The following PLAGL1 variants were observed in gnomAD, a reference collection of about 807,000 sequenced individuals.
PLAGL1 encodes zinc finger protein PLAGL1.
PLAGL1 carries 1 observed loss-of-function variant against 4.6 expected under a neutral mutation model. The ratio of observed to expected loss-of-function variants is 0.22; its 90% CI spans 0.08 to 1.03. The LOEUF (loss-of-function observed/expected upper bound fraction) is 1.03, where lower values mean the gene tolerates loss of function less well. PLAGL1 is among the 50% of genes least tolerant of loss of function. The pLI is 0.58. For missense variants in PLAGL1, 464 were observed against 570.4 expected (o/e 0.81, Z 1.90); for synonymous variants, 240 against 237.8 (o/e 1.01, Z -0.08).
rs1280067135 is a variant in PLAGL1 at position 143,985,949 on chromosome 6, TAC to T, written c.-583-777_-583-776del. Among the ~76,000 whole-genome samples the T allele has an allele frequency of 4.5e-5, 6 of 133,514 alleles. No individual in the cohort carries two copies. Among genetic ancestry groups the T allele is most frequent in the African/African-American group, 1.6e-4 (6 of 37,282 alleles). 87.6% of individuals were successfully genotyped at this position (133,514 alleles called of 152,430 possible). ...CACACATATATATAAAAGATATATA[TAC>T]ACATATATATCAAATTATATATATA... On this transcript the variant is annotated intron_variant, in intron 1 of 7. Transcript: ENST00000674357. This position sits in a 1 kb window ranked among gnomAD's most constrained non-coding sequence, Gnocchi z 4.4.
intron 1 of PLAGL1, among the ~76,000 whole-genome samples, chr6:144,038,863 G>C (rs1047172231): frequency 1.3e-5 from 2 of 152,128 alleles, no homozygotes; most frequent in Non-Finnish European, 2.9e-5. Flanking sequence ...AAATGAAAAA[G>C]TCATAAACTT....
At chr6:144,023,507 A>G (rs1796118526) in intron 1 of PLAGL1, among the ~76,000 whole-genome samples, 1 of 152,196 alleles carries the variant, frequency 6.6e-6, no homozygotes, top group Non-Finnish European at 1.5e-5. Context: ...TAACTTTGGA[A>G]ATGCATAAAG....
intron 1 of PLAGL1, among the ~76,000 whole-genome samples, chr6:143,999,260 T>G (rs1411685855): frequency 6.6e-6 from 1 of 152,186 alleles, no homozygotes; most frequent in Non-Finnish European, 1.5e-5. Context: ...TAGGCCTGCC[T>G]TCAACTTCAG....
rs888495577 is a variant in PLAGL1, at chr6:143,966,375, CAAAA to C, written c.-471-181_-471-178del. The C allele has an allele frequency of 6.6e-6, 1 of 152,066 alleles. No individual in the cohort carries two copies. Among genetic ancestry groups the C allele is most frequent in the African/African-American group, 2.4e-5 (1 of 41,410 alleles). The allele number at this position is 152,066 out of a possible 1,614,324, so 9.4% of individuals were successfully genotyped here. A position where few individuals can be genotyped will look rare whatever the true frequency, so the allele number is the denominator to read the frequency against. On this transcript the variant is annotated intron_variant, in intron 3 of 7. Transcript: ENST00000674357. This position sits in a 1 kb window ranked among gnomAD's most constrained non-coding sequence, Gnocchi z 6.0. ...ACAGTAATTCAAATAGCAAAACAAA[CAAAA>C]AACCCAACTGTGCACACACACACAC...
At chr6:144,028,891 A>G (rs1385618344) in intron 1 of PLAGL1, among the ~76,000 whole-genome samples, 2 of 152,222 alleles carry the variant, frequency 1.3e-5, no homozygotes, top group Non-Finnish European at 2.9e-5. Flanking sequence ...TTTAAATAAA[A>G]TAATATCACT....
upstream of PLAGL1, among the ~76,000 whole-genome samples, chr6:144,011,299 C>G (rs1795170437): frequency 6.6e-6 from 1 of 152,150 alleles, no homozygotes; most frequent in African/African-American, 2.4e-5. The surrounding 1 kb of genome is among the most constrained non-coding windows in gnomAD (Gnocchi z 4.3). Flanking sequence ...AGGATATGAA[C>G]AGACACTTCT....
rs932930079 is a variant in PLAGL1 at position 144,063,287 on chromosome 6, T to C, written c.-151+1181A>G. Among the ~76,000 whole-genome samples the C allele has an allele frequency of 6.6e-6, 1 of 152,226 alleles. No homozygotes were observed. Among genetic ancestry groups the C allele is most frequent in the African/African-American group, 2.4e-5 (1 of 41,468 alleles). Reference sequence around the variant, plus strand: ...AAGTTCTCTGGGGCCACTTTACAGATGATAAAACTGGGCTGAAAATGTGTT... The same window carrying C: ...AAGTTCTCTGGGGCCACTTTACAGACGATAAAACTGGGCTGAAAATGTGTT... On this transcript the variant is annotated intron_variant, in intron 1 of 3. Transcript: ENST00000437412. This position sits in a 1 kb window ranked among gnomAD's most constrained non-coding sequence, Gnocchi z 5.7.
intron 1 of PLAGL1, among the ~76,000 whole-genome samples, chr6:144,042,144 T>C (rs966151504): frequency 2.0e-4 from 31 of 152,216 alleles, no homozygotes; most frequent in Non-Finnish European, 2.2e-4. Flanking sequence ...ACTCTGATGG[T>C]AGTTTCTTTT....
In PLAGL1 at chr6:143,959,094, G is replaced by A. The variant is rs756131188; in HGVS notation, c.-325+1375C>T. Among the ~76,000 whole-genome samples the A allele has an allele frequency of 1.4e-4, 21 of 152,290 alleles. No individual in the cohort carries two copies. The highest frequency in any genetic ancestry group is 3.9e-4 in the Admixed American group (6 of 15,310). On this transcript the variant is annotated intron_variant, in intron 6 of 7. Coordinates refer to ENST00000674357, the MANE Select transcript of PLAGL1 (RefSeq NM_001317162.2). The surrounding 1 kb of genome is among the most constrained non-coding windows in gnomAD (Gnocchi z 5.3). ...TTTCATGTGCTGCTCTGCGCTCCCCGTCGCCCCGGAGGCCGGCACCTTGCT... is the reference window on the plus strand; with the variant it reads ...TTTCATGTGCTGCTCTGCGCTCCCCATCGCCCCGGAGGCCGGCACCTTGCT...
rs1404360237 is a variant in PLAGL1, at chr6:144,055,729, C to A, written c.-151+8739G>T. 6.6e-6 allele frequency among the ~76,000 whole-genome samples: 1 copy of A among 152,176 alleles called. No homozygotes were observed. The highest frequency in any genetic ancestry group is 2.4e-5 in the African/African-American group (1 of 41,428). ...AGCCACAGTTGTCAGAGATATAAATCATAACTACAGGTGCCTTTAGGAAAG... is the reference window on the plus strand; with the variant it reads ...AGCCACAGTTGTCAGAGATATAAATAATAACTACAGGTGCCTTTAGGAAAG... On this transcript the variant is annotated intron_variant, in intron 1 of 3. Transcript: ENST00000437412. The surrounding 1 kb of genome is among the most constrained non-coding windows in gnomAD (Gnocchi z 5.0).
chr6:144,060,341 G>T (rs1799297003), intron 1 of PLAGL1, among the ~76,000 whole-genome samples: 1 of 152,194 alleles, frequency 6.6e-6, no homozygotes, highest in South Asian at 2.1e-4. Flanking sequence ...GAGCCACTGG[G>T]CCAGCCTGTG....
chr6:144,010,282 A>G (rs1315734168), upstream of PLAGL1, among the ~76,000 whole-genome samples: 1 of 152,216 alleles, frequency 6.6e-6, no homozygotes, highest in Non-Finnish European at 1.5e-5. This position sits in a 1 kb window ranked among gnomAD's most constrained non-coding sequence, Gnocchi z 4.1. Flanking sequence ...ATGTGCAAAA[A>G]TCACAAGCAT....
intron 1 of PLAGL1, among the ~76,000 whole-genome samples, chr6:144,019,332 C>T (rs973317565): frequency 1.3e-5 from 2 of 151,986 alleles, no homozygotes; most frequent in Non-Finnish European, 2.9e-5. Flanking sequence ...ATTGGCCAGG[C>T]ATGGTGGTGG....
At chr6:143,996,421 T>G (rs1479581701) in intron 1 of PLAGL1, among the ~76,000 whole-genome samples, 1 of 152,192 alleles carries the variant, frequency 6.6e-6, no homozygotes, top group Non-Finnish European at 1.5e-5. Context: ...TTCTCTGATA[T>G]CCATTCTTCC....
chr6:144,043,159 C>A lies in PLAGL1; in HGVS notation c.-151+21309G>T, dbSNP rs984426892. 2.0e-5 allele frequency among the ~76,000 whole-genome samples: 3 copies of A among 152,154 alleles called. No homozygotes were observed. The South Asian group carries it at 6.2e-4, about 32-fold the overall frequency. On this transcript the variant is annotated intron_variant, in intron 1 of 3. Transcript: ENST00000437412. ...ACTTCTTCTCTTCCTAATTGAATAC[C>A]CTTTATTTCTTTCTTTTGCCTGATT...
At chr6:143,974,338 C>G (rs1786020873) in intron 2 of PLAGL1, among the ~76,000 whole-genome samples, 1 of 150,422 alleles carries the variant, frequency 6.6e-6, no homozygotes, top group East Asian at 2.0e-4. Flanking sequence ...CTCGGTGAGG[C>G]AGAACACAAC....
chr6:143,961,252 C>T lies in PLAGL1; in HGVS notation c.-398-710G>A, dbSNP rs1426735096. 1.3e-5 allele frequency: 2 copies of T among 152,190 alleles called. No individual in the cohort carries two copies. The highest frequency in any genetic ancestry group is 2.4e-5 in the African/African-American group (1 of 41,430). The allele number at this position is 152,190 out of a possible 1,614,324, so 9.4% of individuals were successfully genotyped here. The stretch of plus-strand genomic sequence containing the variant: ...ATGAGCATTTGGAAACCAGCATTTC[C>T]GTTCACCAAGTAATTATCAAACTTG... On this transcript the variant is annotated intron_variant, in intron 5 of 7. Transcript: ENST00000674357. The surrounding 1 kb of genome is among the most constrained non-coding windows in gnomAD (Gnocchi z 6.5).
At chr6:143,993,849 T>C (rs1203610159) in intron 1 of PLAGL1, among the ~76,000 whole-genome samples, 2 of 152,114 alleles carry the variant, frequency 1.3e-5, no homozygotes, top group African/African-American at 4.8e-5. Flanking sequence ...GCACACAGAA[T>C]TGACTGGAGA....
At chr6:144,045,771 C>G (rs904077629) in intron 1 of PLAGL1, among the ~76,000 whole-genome samples, 12 of 152,192 alleles carry the variant, frequency 7.9e-5, no homozygotes, top group African/African-American at 2.9e-4. Context: ...TGGATAATAT[C>G]CTGAAGAGTG....
Sources: allele counts gnomAD v4.1 joint callset (sites outside exome capture counted in the v4.1 genomes callset), GRCh38; gene constraint gnomAD v4.1.1; non-coding constraint Gnocchi (gnomAD v3.1); transcripts MANE v1.5; gene names NCBI Gene and HGNC (gene_info 2026-07-23, HGNC 2026-07-21).